Variants in RORA observed in about 807,000 individuals in gnomAD.
The protein encoded by RORA is nuclear receptor ROR-alpha.
A neutral mutation model predicts 69.5 loss-of-function variants in RORA; 7 were observed. The ratio of observed to expected loss-of-function variants is 0.10; its 90% CI spans 0.06 to 0.19. The LOEUF is 0.19. RORA is among the 10% of genes least tolerant of loss of function. The pLI, the probability that RORA is intolerant of heterozygous loss-of-function variation, is 1.00. For synonymous variants in RORA, 261 were observed against 240.8 expected, an observed-to-expected ratio of 1.08 and a Z score of -0.78; for missense variants, 457 against 663.0, an observed-to-expected ratio of 0.69 and a Z score of 3.41.
chr15:60,996,017 G>T (rs1894521840), intron 1 of RORA, among the ~76,000 whole-genome samples: 3 of 151,942 alleles, frequency 2.0e-5, no homozygotes. Flanking sequence ...ATATTTAGGA[G>T]CTTATGTGAG....
chr15:61,151,877 C>A (rs1210163296), intron 1 of RORA, among the ~76,000 whole-genome samples: 2 of 152,188 alleles, frequency 1.3e-5, no homozygotes, highest in East Asian at 3.9e-4. Context: ...ATTCTGCCCT[C>A]CCTCTAGTTC....
intron 1 of RORA, among the ~76,000 whole-genome samples, chr15:60,827,040 T>C (rs1341295125): frequency 6.6e-6 from 1 of 152,160 alleles, no homozygotes; most frequent in African/African-American, 2.4e-5. Context: ...TTAAGCCCAG[T>C]TGAAAAACAA....
intron 2 of RORA, among the ~76,000 whole-genome samples, chr15:60,563,538 G>A (rs944552664): frequency 5.3e-5 from 8 of 152,094 alleles, no homozygotes; most frequent in African/African-American, 1.9e-4. Context: ...TTCTGCCACG[G>A]ATGTGGTCAA....
intron 1 of RORA, among the ~76,000 whole-genome samples, chr15:60,734,592 G>A (rs1385235547): frequency 6.6e-6 from 1 of 152,100 alleles, no homozygotes. Context: ...CCAACATAAT[G>A]GCCCACTGTT....
chr15:60,552,161 G>A (rs146391621), intron 2 of RORA, among the ~76,000 whole-genome samples: 22 of 152,156 alleles, frequency 1.4e-4, no homozygotes, highest in African/African-American at 5.3e-4. Flanking sequence ...CAGAAGACTG[G>A]GAAAATGATA....
At chr15:60,931,510 C>T (rs896749284) in intron 1 of RORA, among the ~76,000 whole-genome samples, 1 of 152,254 alleles carries the variant, frequency 6.6e-6, no homozygotes, top group African/African-American at 2.4e-5. Context: ...AAGTCTCCGA[C>T]ATTTGATTAC....
intron 2 of RORA, chr15:60,598,567 C>A (rs563199155): frequency 6.6e-6 from 1 of 152,072 alleles, no homozygotes; most frequent in African/African-American, 2.4e-5. Flanking sequence ...ATTTTTTCTA[C>A]GTTACTTTAT....
At chr15:60,527,598 GAACT>G (rs1314612841) in intron 3 of RORA, among the ~76,000 whole-genome samples, 1 of 152,174 alleles carries the variant, frequency 6.6e-6, no homozygotes, top group African/African-American at 2.4e-5. Flanking sequence ...TGTATGAACA[GAACT>G]AAAAACCTTG....
At chr15:60,872,939 C>T (rs1039749701) in intron 1 of RORA, among the ~76,000 whole-genome samples, 1 of 152,114 alleles carries the variant, frequency 6.6e-6, no homozygotes, top group Non-Finnish European at 1.5e-5. Flanking sequence ...CCTTCCATAT[C>T]TTCCTCACCA....
intron 1 of RORA, among the ~76,000 whole-genome samples, chr15:61,033,874 G>T (rs546689603): frequency 3.7e-4 from 55 of 149,392 alleles, no homozygotes; most frequent in African/African-American, 1.4e-3. Flanking sequence ...TTTGAGACCA[G>T]CTGGGCAACA....
intron 1 of RORA, among the ~76,000 whole-genome samples, chr15:60,931,974 T>A (rs1170609339): frequency 6.6e-6 from 1 of 152,138 alleles, no homozygotes; most frequent in Non-Finnish European, 1.5e-5. Flanking sequence ...GAATTGATTA[T>A]GGTACCAATT....
intron 1 of RORA, among the ~76,000 whole-genome samples, chr15:61,124,603 T>C (rs570769623): frequency 6.6e-6 from 1 of 152,380 alleles, no homozygotes; most frequent in East Asian, 1.9e-4. Context: ...GCCTTGTCTA[T>C]ATTTATTTAA....
chr15:60,631,357 G>A (rs949793279), intron 2 of RORA, among the ~76,000 whole-genome samples: 13 of 152,094 alleles, frequency 8.5e-5, no homozygotes, highest in African/African-American at 3.1e-4. Context: ...CAACCTTGAG[G>A]TGGTCAAGGA....
intron 1 of RORA, among the ~76,000 whole-genome samples, chr15:60,817,907 A>G (rs1365010950): frequency 3.3e-5 from 5 of 152,244 alleles, no homozygotes; most frequent in African/African-American, 1.2e-4. Context: ...CTGAATGAAT[A>G]CAAGGATACA....
chr15:61,106,857 C>G (rs953454712), intron 1 of RORA, among the ~76,000 whole-genome samples: 36 of 152,310 alleles, frequency 2.4e-4, no homozygotes, highest in Non-Finnish European at 5.0e-4. Flanking sequence ...TTCCTACGAG[C>G]AGTTCAAAGT....
At chr15:61,173,845 G>A (rs2079605813) in intron 1 of RORA, among the ~76,000 whole-genome samples, 1 of 152,086 alleles carries the variant, frequency 6.6e-6, no homozygotes, top group African/African-American at 2.4e-5. Flanking sequence ...TTTGTAGAAA[G>A]GTCTACGTTG....
chr15:60,733,792 T>G (rs1028875905), intron 1 of RORA, among the ~76,000 whole-genome samples: 2 of 152,078 alleles, frequency 1.3e-5, no homozygotes, highest in Non-Finnish European at 2.9e-5. Context: ...ACGTGGGCAA[T>G]GGCCTGCTAG....
At chr15:61,067,945 A>C (rs1467843358) in intron 1 of RORA, among the ~76,000 whole-genome samples, 1 of 152,202 alleles carries the variant, frequency 6.6e-6, no homozygotes, top group Non-Finnish European at 1.5e-5. Context: ...CTAGCTGTAG[A>C]TGATATTATG....
chr15:61,189,623 C>T (rs935022914), intron 1 of RORA, among the ~76,000 whole-genome samples: 4 of 151,920 alleles, frequency 2.6e-5, no homozygotes, highest in Admixed American at 6.6e-5. Flanking sequence ...TTTGGGAGGC[C>T]GAGGTAGGCA....
Sources: gnomAD v4.1 joint callset for allele counts (sites outside exome capture counted in the v4.1 genomes callset) on GRCh38, gnomAD v4.1.1 for gene constraint, MANE v1.5 for transcripts, NCBI Gene and HGNC (gene_info 2026-07-23, HGNC 2026-07-21) for gene names.